F2RL1: variants seen among roughly 807,000 people sequenced by gnomAD.
F2RL1 encodes F2R like trypsin receptor 1, also known as proteinase-activated receptor 2.
In F2RL1, 16 loss-of-function variants were observed where a neutral mutation model predicts 21.7. That is an observed-to-expected ratio of 0.74 (90% CI 0.50 to 1.12). The LOEUF (loss-of-function observed/expected upper bound fraction) is 1.12, where lower values mean the gene tolerates loss of function less well. F2RL1 is among the 50% of genes most tolerant of loss of function. The pLI, the probability that F2RL1 is intolerant of heterozygous loss-of-function variation, is 0.00. For synonymous variants in F2RL1, 181 were observed against 186.7 expected (o/e 0.97, Z 0.25); for missense variants, 432 against 477.8 (o/e 0.90, Z 0.89).
chr5:76,832,887 G>A lies in F2RL1; in HGVS notation c.280G>A (p.Gly94Ser), dbSNP rs140427182. 62 of 1,614,052 alleles carry A rather than the reference G, an allele frequency of 3.8e-5. No homozygotes were observed. Among genetic ancestry groups the A allele is most frequent in the African/African-American group, 1.2e-4 (9 of 74,896 alleles). ...GTTTGTGGTGGGTTTGCCAAGTAACGGCATGGCCCTGTGGGTCTTTCTTTT... is the reference window on the plus strand; with the variant it reads ...GTTTGTGGTGGGTTTGCCAAGTAACAGCATGGCCCTGTGGGTCTTTCTTTT... The part of the protein sequence containing the change: ...IVFVVGLPSN[G>S]MALWVFLFRT... Residue 94 changes from glycine (G) to serine (S), a missense_variant, in exon 2 of 2, where the codon GGC (glycine) becomes AGC (serine). Transcript: ENST00000296677.
chr5:76,831,565 G>A (rs930324063), intron 1 of F2RL1, among the ~76,000 whole-genome samples: 1 of 136,808 alleles, frequency 7.3e-6, no homozygotes, highest in Non-Finnish European at 1.5e-5. Flanking sequence ...ACTGAGGCTC[G>A]CTCTGTCACC....
At chr5:76,826,740 A>G (rs1750246863) in intron 1 of F2RL1, among the ~76,000 whole-genome samples, 1 of 152,210 alleles carries the variant, frequency 6.6e-6, no homozygotes, top group African/African-American at 2.4e-5. Flanking sequence ...TCCTGACCTC[A>G]GGTGATCTGC....
chr5:76,819,303 A>C, intron 1 of F2RL1, 39 bp downstream of exon 1: 1 of 1,540,998 alleles, frequency 6.5e-7, no homozygotes, highest in Non-Finnish European at 8.7e-7. Flanking sequence ...ATCTCTGAGG[A>C]GCTGGGGTCC....
chr5:76,828,355 A>C (rs1051356122), intron 1 of F2RL1, among the ~76,000 whole-genome samples: 1 of 152,188 alleles, frequency 6.6e-6, no homozygotes, highest in Non-Finnish European at 1.5e-5. Context: ...ATTTCATCCT[A>C]AAGTATTTTA....
intron 1 of F2RL1, among the ~76,000 whole-genome samples, chr5:76,827,896 C>T (rs1160340343): frequency 6.6e-6 from 1 of 152,138 alleles, no homozygotes; most frequent in East Asian, 1.9e-4. Context: ...TGCGTCCAGC[C>T]ATATAGGAAC....
chr5:76,820,548 A>G (rs1031028490), intron 1 of F2RL1, among the ~76,000 whole-genome samples: 5 of 152,148 alleles, frequency 3.3e-5, no homozygotes, highest in Admixed American at 2.0e-4. Flanking sequence ...AGTTCCAGGA[A>G]GTATTGAAAA....
chr5:76,819,042 G>T lies in F2RL1; in HGVS notation c.-141G>T. The T allele has an allele frequency of 2.9e-6, 2 of 691,726 alleles. No homozygotes were observed. Among genetic ancestry groups the T allele is most frequent in the East Asian group, 5.7e-5 (2 of 34,792 alleles). The allele number at this position is 691,726 out of a possible 1,614,324, so 42.8% of individuals were successfully genotyped here. On this transcript the variant is annotated 5_prime_UTR_variant, in exon 1 of 2. Coordinates refer to ENST00000296677, the MANE Select transcript of F2RL1 (RefSeq NM_005242.6). ...CTTCGGTTTCCCTGAAACCTAACCC[G>T]CCCTGGGGAGGCGCGCAGCAGAGGC... is the stretch of plus-strand genomic sequence containing the variant.
At position 76,834,032 on chromosome 5, in the gene F2RL1, C is replaced by T; in HGVS notation, c.*231C>T. 1 of 455,172 alleles carries T rather than the reference C, an allele frequency of 2.2e-6. No homozygotes were observed. The highest frequency in any genetic ancestry group is 3.4e-5 in the East Asian group (1 of 29,600). The allele number at this position is 455,172 out of a possible 1,614,324, so 28.2% of individuals were successfully genotyped here. On this transcript the variant is annotated 3_prime_UTR_variant, in exon 2 of 2. Transcript: ENST00000296677. Reference sequence around the variant, plus strand: ...TACTCAGATGACCCCAGAAACTGAACCAACAGAAGCAGACTTTTCAGAAGA... The same window carrying T: ...TACTCAGATGACCCCAGAAACTGAATCAACAGAAGCAGACTTTTCAGAAGA...
intron 1 of F2RL1, among the ~76,000 whole-genome samples, chr5:76,825,191 G>A (rs928616950): frequency 9.2e-5 from 14 of 151,958 alleles, no homozygotes; most frequent in Admixed American, 9.2e-4. Context: ...TTTTTTAGTA[G>A]AGATTGGGTT....
intron 1 of F2RL1, among the ~76,000 whole-genome samples, chr5:76,819,752 G>A (rs906894448): frequency 6.6e-6 from 1 of 152,226 alleles, no homozygotes; most frequent in East Asian, 1.9e-4. Context: ...AGGGCAGGGC[G>A]GAGTGGGTGG....
chr5:76,823,621 C>T (rs1207814229), intron 1 of F2RL1, among the ~76,000 whole-genome samples: 2 of 151,850 alleles, frequency 1.3e-5, no homozygotes, highest in Non-Finnish European at 2.9e-5. Flanking sequence ...TCAAGTGATC[C>T]GCCCGCCTTG....
intron 1 of F2RL1, among the ~76,000 whole-genome samples, chr5:76,824,883 A>C (rs1023058272): frequency 5.3e-5 from 8 of 152,272 alleles, no homozygotes; most frequent in African/African-American, 1.9e-4. Flanking sequence ...TAATATAGAG[A>C]GGTGTAAAAT....
rs549342443 is a variant in F2RL1 at position 76,834,822 on chromosome 5, GAA to G, written c.*1024_*1025del. On this transcript the variant is annotated 3_prime_UTR_variant, in exon 2 of 2. Transcript: ENST00000296677. ...TTGACAAAGTGCCGTGATAATTTTTGAAAAGAGAAGCAAACAATGGTGTCTCT... is the reference window on the plus strand; with the variant it reads ...TTGACAAAGTGCCGTGATAATTTTTGAAGAGAAGCAAACAATGGTGTCTCT... 120 of 152,316 alleles carry G rather than the reference GAA, an allele frequency of 7.9e-4. No homozygotes were observed. Among genetic ancestry groups the G allele is most frequent in the African/African-American group, 2.8e-3 (115 of 41,548 alleles). 9.4% of individuals were successfully genotyped at this position (152,316 alleles called of 1,614,324 possible).
intron 1 of F2RL1, among the ~76,000 whole-genome samples, chr5:76,819,637 G>C (rs2150603713): frequency 6.6e-6 from 1 of 152,270 alleles, no homozygotes; most frequent in South Asian, 2.1e-4. Flanking sequence ...CCCTCCCCGG[G>C]CTTGGTTGCT....
In F2RL1 at chr5:76,833,622, A is replaced by T; in HGVS notation, c.1015A>T (p.Ile339Phe). 1 of 1,613,846 alleles carries T rather than the reference A, an allele frequency of 6.2e-7. No individual in the cohort carries two copies. The highest frequency in any genetic ancestry group is 8.5e-7 in the Non-Finnish European group (1 of 1,179,968). The change falls in exon 2 of 2, where the codon ATC becomes TTC. Residue 339 changes from isoleucine (I) to phenylalanine (F), a missense_variant. By Grantham distance (21) the Ile-to-Phe change is conservative (BLOSUM62 0). Coordinates refer to ENST00000296677, the MANE Select transcript of F2RL1 (RefSeq NM_005242.6). ...ALCLSTLNSC[I>F]DPFVYYFVSH... ...CTGCCTCTCTACCCTTAACAGCTGC[A>T]TCGACCCCTTTGTCTATTACTTTGT...
At chr5:76,819,531 T>G (rs1750090060) in intron 1 of F2RL1, among the ~76,000 whole-genome samples, 1 of 152,018 alleles carries the variant, frequency 6.6e-6, no homozygotes. Context: ...CCGTAGAGGC[T>G]GTCATGCTGG....
chr5:76,833,175 A>G lies in F2RL1; in HGVS notation c.568A>G (p.Ile190Val), dbSNP rs549819353. The change falls in exon 2 of 2, where the codon ATT becomes GTT. Residue 190 changes from isoleucine (I) to valine (V), a missense_variant. Ile to Val is a conservative substitution (Grantham distance 29). Coordinates refer to ENST00000296677, the MANE Select transcript of F2RL1 (RefSeq NM_005242.6). ...PMGHSRKKAN[I>V]AIGISLAIWL... is the part of the protein sequence containing the mutation. ...GGGGCACTCCAGGAAGAAGGCAAAC[A>G]TTGCCATTGGCATCTCCCTGGCAAT... is the stretch of plus-strand genomic sequence containing the variant. 8.2e-5 allele frequency: 133 copies of G among 1,614,116 alleles called. No homozygotes were observed. The highest frequency in any genetic ancestry group is 5.3e-4 in the South Asian group (48 of 91,086).
At chr5:76,823,732 C>T (rs1468067098) in intron 1 of F2RL1, among the ~76,000 whole-genome samples, 1 of 151,458 alleles carries the variant, frequency 6.6e-6, no homozygotes, top group Non-Finnish European at 1.5e-5. Flanking sequence ...AGGAGCATAC[C>T]GTACTGTACA....
chr5:76,832,666 C>G (rs373909107), intron 1 of F2RL1, 24 bp from the exon 2 acceptor site: 7 of 1,563,038 alleles, frequency 4.5e-6, no homozygotes, highest in African/African-American at 1.4e-5. Context: ...TCTGTAATGA[C>G]CCTTGTCTTC....
Sources: gnomAD v4.1 joint callset for allele counts (sites outside exome capture counted in the v4.1 genomes callset) on GRCh38, gnomAD v4.1.1 for gene constraint, MANE v1.5 for transcripts, NCBI Gene and HGNC (gene_info 2026-07-23, HGNC 2026-07-21) for gene names.